The following INSYN2B variants were observed in gnomAD, a reference collection of about 807,000 sequenced individuals.
INSYN2B encodes protein INSYN2B.
In INSYN2B, 16 loss-of-function variants were observed where a neutral mutation model predicts 41.2. That is an observed-to-expected ratio of 0.39 (90% CI 0.26 to 0.59). INSYN2B has a LOEUF of 0.59. Among genes scored for constraint, INSYN2B ranks in the 20% least tolerant of loss-of-function variants. The pLI is 0.57. For missense variants in INSYN2B, 608 were observed against 646.4 expected, an observed-to-expected ratio of 0.94 and a Z score of 0.64; for synonymous variants, 245 against 244.4, an observed-to-expected ratio of 1.00 and a Z score of -0.02.
In INSYN2B at chr5:169,900,150, C is replaced by A. The variant is rs142144248; in HGVS notation, c.-918-15334G>T. On this transcript the variant is annotated intron_variant, in intron 1 of 3. Transcript: ENST00000377365. ...CAGGAACACCTCCAAGCTCTCAGAT[C>A]TAAAGGAGGAGATGGGCAGGTAATA... is the stretch of plus-strand genomic sequence containing the variant. 3.3e-3 allele frequency among the ~76,000 whole-genome samples: 504 copies of A among 152,270 alleles called. 1 individual carries two copies. The highest frequency in any genetic ancestry group is 0.01 in the Middle Eastern group (3 of 294).
intron 1 of INSYN2B, among the ~76,000 whole-genome samples, chr5:169,970,613 A>T (rs1269413597): frequency 6.6e-6 from 1 of 152,212 alleles, no homozygotes; most frequent in Non-Finnish European, 1.5e-5. Flanking sequence ...CTTGCAGGGT[A>T]GTTCCCAAGA....
intron 1 of INSYN2B, among the ~76,000 whole-genome samples, chr5:169,890,547 C>T (rs572028683): frequency 2.4e-4 from 36 of 152,164 alleles, no homozygotes; most frequent in African/African-American, 7.0e-4. Flanking sequence ...TACCCCTTTC[C>T]GGCAGCTTTC....
chr5:169,909,630 G>T (rs1476547336), intron 1 of INSYN2B, among the ~76,000 whole-genome samples: 1 of 152,168 alleles, frequency 6.6e-6, no homozygotes, highest in Non-Finnish European at 1.5e-5. Context: ...TATCTTCTAA[G>T]TTGCAGAGCA....
At chr5:169,929,660 C>T (rs940812969) in intron 1 of INSYN2B, among the ~76,000 whole-genome samples, 1 of 148,988 alleles carries the variant, frequency 6.7e-6, no homozygotes, top group Non-Finnish European at 1.5e-5. Context: ...GAGAATCACT[C>T]AAGCCTGGGA....
At chr5:169,960,232 G>A (rs1211919590) in intron 1 of INSYN2B, among the ~76,000 whole-genome samples, 1 of 152,224 alleles carries the variant, frequency 6.6e-6, no homozygotes, top group African/African-American at 2.4e-5. Flanking sequence ...ACAGAAAGCT[G>A]TGTATGCCTT....
At chr5:169,948,398 CT>C (rs1776528526) in intron 1 of INSYN2B, among the ~76,000 whole-genome samples, 3 of 152,222 alleles carry the variant, frequency 2.0e-5, no homozygotes, top group Admixed American at 1.3e-4. Context: ...GCACCTTTCT[CT>C]GTTTTTTCAT....
intron 1 of INSYN2B, among the ~76,000 whole-genome samples, chr5:169,930,702 G>A (rs992491187): frequency 3.9e-5 from 6 of 152,186 alleles, no homozygotes; most frequent in African/African-American, 1.4e-4. Flanking sequence ...TTTCAAGAAG[G>A]GTTGCTTCTC....
At chr5:169,976,121 A>C (rs975001387) in intron 1 of INSYN2B, among the ~76,000 whole-genome samples, 1 of 152,210 alleles carries the variant, frequency 6.6e-6, no homozygotes, top group African/African-American at 2.4e-5. Flanking sequence ...AATAAATTCA[A>C]TCTCCCATCT....
chr5:169,891,267 C>CCCTCTGTG lies in INSYN2B; in HGVS notation c.-918-6459_-918-6452dup, dbSNP rs1773263068. On this transcript the variant is annotated intron_variant, in intron 1 of 3. Transcript: ENST00000377365. The stretch of plus-strand genomic sequence containing the variant: ...CCTGACCCCCTCTCCCCTTCCGTGT[C>CCCTCTGTG]CCTCTGTGCAGCAAAACCCTGTCCT... 3.3e-5 allele frequency among the ~76,000 whole-genome samples: 5 copies of CCCTCTGTG among 152,284 alleles called. No individual in the cohort carries two copies. In the South Asian group the frequency reaches 1.0e-3, roughly 32 times the overall value.
Position 169,864,156 on chromosome 5 carries a change from C to T in INSYN2B, c.*117G>A, listed in dbSNP as rs972215203. On this transcript the variant is annotated 3_prime_UTR_variant, in exon 4 of 4. Transcript: ENST00000377365. The stretch of plus-strand genomic sequence containing the variant: ...TCCAAGGCTCTTCTGTTTCACAGGC[C>T]AAGGGGCTCACAGCCCAGGGCCTTT... 30 of 922,164 alleles carry T rather than the reference C, an allele frequency of 3.3e-5. No homozygotes were observed. The highest frequency in any genetic ancestry group is 4.8e-5 in the Non-Finnish European group (29 of 601,996). 57.1% of individuals were successfully genotyped at this position (922,164 alleles called of 1,614,324 possible). A position where few individuals can be genotyped will look rare whatever the true frequency, so the allele number is the denominator to read the frequency against.
chr5:169,892,653 G>A (rs1380060370), intron 1 of INSYN2B, among the ~76,000 whole-genome samples: 5 of 152,164 alleles, frequency 3.3e-5, no homozygotes, highest in African/African-American at 1.2e-4. Flanking sequence ...GACACCCAGG[G>A]AGATATGACT....
chr5:169,967,376 T>C (rs1347112332), intron 1 of INSYN2B, among the ~76,000 whole-genome samples: 1 of 152,224 alleles, frequency 6.6e-6, no homozygotes, highest in Admixed American at 6.5e-5. Context: ...TGAACAATGC[T>C]TCTGGTAAAG....
rs529354010 is a variant in INSYN2B at position 169,861,416 on chromosome 5, G to A, written c.*2857C>T. 2.0e-5 allele frequency among the ~76,000 whole-genome samples: 3 copies of A among 152,328 alleles called. No individual in the cohort carries two copies. The highest frequency in any genetic ancestry group is 7.2e-5 in the African/African-American group (3 of 41,572). ...GTCTTTAAGAAGGTGCTCTATAGAT[G>A]AGCTGGTATTAAGTTCCAAGGATAG... On this transcript the variant is annotated 3_prime_UTR_variant, in exon 4 of 4. Coordinates refer to ENST00000377365, the MANE Select transcript of INSYN2B (RefSeq NM_001129891.3).
At chr5:169,950,661 A>G (rs957365565) in intron 1 of INSYN2B, among the ~76,000 whole-genome samples, 5 of 152,114 alleles carry the variant, frequency 3.3e-5, no homozygotes, top group Non-Finnish European at 7.4e-5. Context: ...CCTATGAAGT[A>G]TTTTGTCCAA....
rs77558445 is a variant in INSYN2B, at chr5:169,979,369, C to T, written c.-919+908G>A. Among the ~76,000 whole-genome samples, 456 of 152,268 alleles carry T rather than the reference C, an allele frequency of 3.0e-3. 2 individuals are homozygous for T. Among genetic ancestry groups the T allele is most frequent in the African/African-American group, 0.01 (434 of 41,548 alleles). On this transcript the variant is annotated intron_variant, in intron 1 of 3. Transcript: ENST00000377365. ...ATGGAAGTAAGGTCTCAAACTTGTA[C>T]AGAGGGGCAGGACACAAATGCCATT...
At chr5:169,880,484 C>G (rs1475875973) in intron 3 of INSYN2B, among the ~76,000 whole-genome samples, 3 of 152,194 alleles carry the variant, frequency 2.0e-5, no homozygotes, top group African/African-American at 4.8e-5. Flanking sequence ...CAAAACTGTT[C>G]ACTTTGGTCA....
chr5:169,874,784 G>A (rs1581336565), intron 3 of INSYN2B, among the ~76,000 whole-genome samples: 1 of 152,168 alleles, frequency 6.6e-6, no homozygotes. Flanking sequence ...GACTGAGAGA[G>A]GTGGGAGGAA....
chr5:169,886,169 A>G (rs1772956600), intron 1 of INSYN2B, among the ~76,000 whole-genome samples: 1 of 152,134 alleles, frequency 6.6e-6, no homozygotes, highest in African/African-American at 2.4e-5. Flanking sequence ...GTATGTCTTT[A>G]TTAGTGGCGT....
chr5:169,878,920 A>T (rs1772476937), intron 3 of INSYN2B, among the ~76,000 whole-genome samples: 1 of 152,180 alleles, frequency 6.6e-6, no homozygotes, highest in Non-Finnish European at 1.5e-5. Flanking sequence ...CCATGGATAG[A>T]ATCTCTAGGC....
Sources: gnomAD v4.1 joint callset for allele counts (sites outside exome capture counted in the v4.1 genomes callset) on GRCh38, gnomAD v4.1.1 for gene constraint, MANE v1.5 for transcripts, NCBI Gene and HGNC (gene_info 2026-07-23, HGNC 2026-07-21) for gene names.